The following KLHL1 variants were observed in gnomAD, a reference collection of about 807,000 sequenced individuals.
KLHL1 encodes kelch like family member 1, also known as kelch-like protein 1.
A neutral mutation model predicts 77.7 loss-of-function variants in KLHL1; 47 were observed. The ratio of observed to expected loss-of-function variants is 0.60; its 90% confidence interval spans 0.48 to 0.77. KLHL1 has a LOEUF of 0.77. Ranked by LOEUF, KLHL1 falls within the 30% of genes least tolerant of loss-of-function variation. The pLI is 0.00. For missense variants in KLHL1, 925 were observed against 910.8 expected (o/e 1.02, Z -0.20); for synonymous variants, 360 against 325.2 (o/e 1.11, Z -1.15).
chr13:69,910,137 T>G (rs951152391), intron 4 of KLHL1, among the ~76,000 whole-genome samples: 1 of 152,074 alleles, frequency 6.6e-6, no homozygotes, highest in Admixed American at 6.6e-5. Flanking sequence ...ACGAATTCCT[T>G]ATGTTTGCAC....
At chr13:69,739,586 A>T (rs1205500989) in intron 8 of KLHL1, among the ~76,000 whole-genome samples, 2 of 152,220 alleles carry the variant, frequency 1.3e-5, no homozygotes, top group Admixed American at 6.5e-5. Flanking sequence ...AGAAAAAAGC[A>T]GGGGTTGCAA....
chr13:70,007,666 G>A (rs1268974233), intron 1 of KLHL1, among the ~76,000 whole-genome samples: 7 of 151,926 alleles, frequency 4.6e-5, no homozygotes, highest in African/African-American at 1.2e-4. Flanking sequence ...AAGCTTTGTT[G>A]GTGAACCATT....
At chr13:69,724,241 G>A (rs1416618705) in intron 8 of KLHL1, among the ~76,000 whole-genome samples, 2 of 152,018 alleles carry the variant, frequency 1.3e-5, no homozygotes, top group African/African-American at 2.4e-5. Flanking sequence ...GCATGTAATG[G>A]TTGATGTATT....
At chr13:69,946,519 T>A (rs1336177604) in intron 3 of KLHL1, among the ~76,000 whole-genome samples, 2 of 152,140 alleles carry the variant, frequency 1.3e-5, no homozygotes, top group Admixed American at 6.6e-5. Flanking sequence ...TGTTCTCCTT[T>A]TTTTTCTTTT....
At chr13:69,937,791 A>G (rs1191249223) in intron 4 of KLHL1, among the ~76,000 whole-genome samples, 1 of 152,210 alleles carries the variant, frequency 6.6e-6, no homozygotes. Flanking sequence ...TCCAAAGGAA[A>G]GATGACAAAT....
At chr13:70,012,341 G>A (rs1486326535) in intron 1 of KLHL1, among the ~76,000 whole-genome samples, 1 of 152,088 alleles carries the variant, frequency 6.6e-6, no homozygotes, top group Non-Finnish European at 1.5e-5. Flanking sequence ...CTGGAAACTA[G>A]AAATTGTATT....
intron 4 of KLHL1, among the ~76,000 whole-genome samples, chr13:69,921,410 A>C (rs1882628237): frequency 6.6e-6 from 1 of 152,204 alleles, no homozygotes; most frequent in African/African-American, 2.4e-5. Context: ...TTTGCTATAT[A>C]AATGTTGTCA....
chr13:69,760,894 C>T (rs1416828081), intron 7 of KLHL1, among the ~76,000 whole-genome samples: 1 of 151,924 alleles, frequency 6.6e-6, no homozygotes, highest in Admixed American at 6.6e-5. Context: ...AAGATTTTAC[C>T]ATTTTTCTGA....
intron 1 of KLHL1, among the ~76,000 whole-genome samples, chr13:70,044,988 T>C (rs968962285): frequency 1.5e-4 from 23 of 152,164 alleles, no homozygotes; most frequent in African/African-American, 5.6e-4. Flanking sequence ...TATCTTGTCA[T>C]GAAAAGGAAA....
intron 7 of KLHL1, among the ~76,000 whole-genome samples, chr13:69,761,163 G>A (rs1474796547): frequency 6.6e-6 from 1 of 152,166 alleles, no homozygotes; most frequent in African/African-American, 2.4e-5. Flanking sequence ...ATAAGAATCT[G>A]GCAGCATAAT....
intron 1 of KLHL1, among the ~76,000 whole-genome samples, chr13:70,052,471 T>A (rs1886652941): frequency 6.6e-6 from 1 of 151,962 alleles, no homozygotes; most frequent in South Asian, 2.1e-4. Flanking sequence ...AACCCTTATA[T>A]ATTTTATCTT....
chr13:70,045,148 A>T (rs1259922781), intron 1 of KLHL1, among the ~76,000 whole-genome samples: 2 of 152,162 alleles, frequency 1.3e-5, no homozygotes, highest in Non-Finnish European at 2.9e-5. Flanking sequence ...TGACTTATAC[A>T]TCCATCACCT....
chr13:69,809,450 C>T (rs992913034), intron 6 of KLHL1, among the ~76,000 whole-genome samples: 1 of 152,098 alleles, frequency 6.6e-6, no homozygotes, highest in Non-Finnish European at 1.5e-5. Context: ...TTCATATTCT[C>T]CCAAACAAAG....
At chr13:69,827,503 G>A (rs112361703) in intron 6 of KLHL1, among the ~76,000 whole-genome samples, 22 of 152,026 alleles carry the variant, frequency 1.4e-4, no homozygotes, top group African/African-American at 3.6e-4. Flanking sequence ...AAGCCAAGGC[G>A]GGTGGATCAT....
chr13:69,862,512 C>T (rs930502670), intron 5 of KLHL1, among the ~76,000 whole-genome samples: 1 of 152,118 alleles, frequency 6.6e-6, no homozygotes, highest in African/African-American at 2.4e-5. Flanking sequence ...TTTATTACCA[C>T]TGGATCATCA....
At chr13:69,720,545 G>T (rs1593771746) in intron 8 of KLHL1, among the ~76,000 whole-genome samples, 1 of 152,006 alleles carries the variant, frequency 6.6e-6, no homozygotes, top group African/African-American at 2.4e-5. Flanking sequence ...TTACTACTGG[G>T]GAAGGTTCAA....
chr13:69,900,932 T>G (rs1333640030), intron 4 of KLHL1, among the ~76,000 whole-genome samples: 1 of 152,180 alleles, frequency 6.6e-6, no homozygotes, highest in Non-Finnish European at 1.5e-5. Flanking sequence ...CCCCTCAAAT[T>G]TGTAGTCCTG....
At position 69,982,484 on chromosome 13, in the gene KLHL1, T is replaced by A. The variant is rs933072585; in HGVS notation, c.498-6682A>T. Among the ~76,000 whole-genome samples, 878 of 138,996 alleles carry A rather than the reference T, an allele frequency of 6.3e-3. 9 individuals carry two copies. The highest frequency in any genetic ancestry group is 0.022 in the African/African-American group (820 of 37,300). 91.2% of individuals were successfully genotyped at this position (138,996 alleles called of 152,430 possible). On this transcript the variant is annotated intron_variant, in intron 1 of 10. Transcript: ENST00000377844. ...AATAATAATAATAATAATAATAAAATAAAAAGCAATAAATCAAAACATGTT... is the reference window on the plus strand; with the variant it reads ...AATAATAATAATAATAATAATAAAAAAAAAAGCAATAAATCAAAACATGTT...
chr13:69,783,345 GAGA>G (rs765705460), intron 7 of KLHL1, among the ~76,000 whole-genome samples: 43 of 152,290 alleles, frequency 2.8e-4, no homozygotes, highest in Admixed American at 1.7e-3. Flanking sequence ...GATGAGTTGA[GAGA>G]AGAAGTCTCC....
Sources: allele counts gnomAD v4.1 joint callset (sites outside exome capture counted in the v4.1 genomes callset), GRCh38; gene constraint gnomAD v4.1.1; transcripts MANE v1.5; gene names NCBI Gene and HGNC (gene_info 2026-07-23, HGNC 2026-07-21).